The following MPZL1 variants were observed in gnomAD, a reference collection of about 807,000 sequenced individuals.
The protein encoded by MPZL1 is myelin protein zero-like protein 1.
Under a neutral mutation model 29.3 loss-of-function variants are expected in MPZL1, and 16 were observed. The ratio of observed to expected loss-of-function variants is 0.55; its 90% CI spans 0.37 to 0.83. MPZL1 has a LOEUF of 0.83. MPZL1 is among the 40% of genes least tolerant of loss of function. The probability of loss-of-function intolerance (pLI) is 0.00; values close to 1 mark genes in which losing one functional copy is unlikely to be tolerated. For synonymous variants in MPZL1, 143 were observed against 132.0 expected, an observed-to-expected ratio of 1.08 and a Z score of -0.57; for missense variants, 279 against 332.9, an observed-to-expected ratio of 0.84 and a Z score of 1.26.
At chr1:167,785,500 G>A (rs983061395) in intron 5 of MPZL1, among the ~76,000 whole-genome samples, 4 of 152,294 alleles carry the variant, frequency 2.6e-5, no homozygotes, top group Middle Eastern at 3.4e-3. Context: ...CCAGATTCAA[G>A]GGGTAGAGAA....
In MPZL1 at chr1:167,745,606, G is replaced by T. The variant is rs529520571; in HGVS notation, c.92-19977G>T. Among the ~76,000 whole-genome samples the T allele has an allele frequency of 1.2e-3, 185 of 152,062 alleles. 1 individual carries two copies. Among genetic ancestry groups the T allele is most frequent in the African/African-American group, 4.3e-3 (180 of 41,536 alleles). On this transcript the variant is annotated intron_variant, in intron 1 of 5. Transcript: ENST00000359523. ...ATGATATTACTGATTTCTGTGTTTT[G>T]TCATATTCTTTTTGTATTTTATTAA...
intron 1 of MPZL1, among the ~76,000 whole-genome samples, chr1:167,746,537 G>A (rs1267961009): frequency 6.6e-6 from 1 of 152,158 alleles, no homozygotes; most frequent in Non-Finnish European, 1.5e-5. Context: ...TCTCCAAAAT[G>A]GAAAGGGCTG....
intron 1 of MPZL1, among the ~76,000 whole-genome samples, chr1:167,760,783 G>GTGTGTGTGTGTGTGTGTC (rs1553255558): frequency 4.8e-5 from 7 of 147,198 alleles, no homozygotes; most frequent in African/African-American, 1.5e-4. Flanking sequence ...GTGTGTGTGT[G>GTGTGTGTGTGTGTGTGTC]TGTGTGTGTG....
In MPZL1 at chr1:167,790,373, C is replaced by G. The variant is rs1661683062; in HGVS notation, c.*2452C>G. ...CTGGCAGAGAATCCTCACCAGTTCT[C>G]ACCAACCTTCCCCCCAGGCAAGGGC... is the stretch of plus-strand genomic sequence containing the variant. On this transcript the variant is annotated 3_prime_UTR_variant, in exon 6 of 6. Coordinates refer to ENST00000359523, the MANE Select transcript of MPZL1 (RefSeq NM_003953.6). 6.6e-6 allele frequency: 1 copy of G among 152,314 alleles called. No individual in the cohort carries two copies. Among genetic ancestry groups the G allele is most frequent in the Non-Finnish European group, 1.5e-5 (1 of 68,102 alleles). 9.4% of individuals were successfully genotyped at this position (152,314 alleles called of 1,614,324 possible). A position where few individuals can be genotyped will look rare whatever the true frequency, so the allele number is the denominator to read the frequency against.
intron 1 of MPZL1, among the ~76,000 whole-genome samples, chr1:167,753,300 A>C (rs1240816816): frequency 6.6e-6 from 1 of 152,234 alleles, no homozygotes; most frequent in Non-Finnish European, 1.5e-5. Flanking sequence ...AGCCTTTGCC[A>C]AATGTAAAGC....
intron 5 of MPZL1, among the ~76,000 whole-genome samples, chr1:167,783,352 T>C (rs1661531383): frequency 6.6e-6 from 1 of 152,214 alleles, no homozygotes; most frequent in Non-Finnish European, 1.5e-5. Context: ...TTTTTCTTTG[T>C]GAAGCTTAGT....
Position 167,774,530 on chromosome 1 carries a change from G to A in MPZL1, c.605+1162G>A, listed in dbSNP as rs138063401. 4.7e-3 allele frequency: 721 copies of A among 152,382 alleles called. 6 individuals are homozygous for A. The highest frequency in any genetic ancestry group is 9.1e-3 in the Non-Finnish European group (619 of 68,060). 9.4% of individuals were successfully genotyped at this position (152,382 alleles called of 1,614,324 possible). A position where few individuals can be genotyped will look rare whatever the true frequency, so the allele number is the denominator to read the frequency against. ...TGACTGTATCTGCCCCCCTTGCATG[G>A]TGAGTGTTTTATGATTAAATATAGT... On this transcript the variant is annotated intron_variant, in intron 4 of 5. Coordinates refer to ENST00000359523, the MANE Select transcript of MPZL1 (RefSeq NM_003953.6).
rs534420266 is a variant in MPZL1, at chr1:167,780,543, A to T, written c.708+4377A>T. Among the ~76,000 whole-genome samples the T allele has an allele frequency of 5.3e-5, 8 of 152,340 alleles. No homozygotes were observed. In the South Asian group the frequency reaches 1.7e-3, roughly 32 times the overall value. On this transcript the variant is annotated intron_variant, in intron 5 of 5. Coordinates refer to ENST00000359523, the MANE Select transcript of MPZL1 (RefSeq NM_003953.6). ...TAAATAGAATGTGGTATATATATAC[A>T]CAATGGAATATTATTCTGTCTTTAA...
intron 1 of MPZL1, among the ~76,000 whole-genome samples, chr1:167,756,847 G>A (rs762027628): frequency 6.6e-6 from 1 of 152,162 alleles, no homozygotes; most frequent in East Asian, 1.9e-4. Flanking sequence ...TCTTGGGGGT[G>A]CAGACAGCCG....
At chr1:167,757,378 A>G (rs184644542) in intron 1 of MPZL1, among the ~76,000 whole-genome samples, 2 of 152,386 alleles carry the variant, frequency 1.3e-5, no homozygotes, top group Non-Finnish European at 2.9e-5. Flanking sequence ...TTGCTTTACT[A>G]ATGTCTTCCT....
chr1:167,733,203 A>G (rs1660305282), intron 1 of MPZL1, among the ~76,000 whole-genome samples: 1 of 152,166 alleles, frequency 6.6e-6, no homozygotes, highest in African/African-American at 2.4e-5. Flanking sequence ...TGAGAGTCAG[A>G]CTTCCAGCTG....
intron 2 of MPZL1, among the ~76,000 whole-genome samples, chr1:167,767,284 G>C (rs968197878): frequency 1.3e-5 from 2 of 152,160 alleles, no homozygotes; most frequent in Non-Finnish European, 2.9e-5. Context: ...TCCCATAGAG[G>C]CAAGATTAAA....
intron 1 of MPZL1, among the ~76,000 whole-genome samples, chr1:167,755,120 A>T (rs968144607): frequency 2.0e-5 from 3 of 152,216 alleles, no homozygotes; most frequent in Non-Finnish European, 4.4e-5. Flanking sequence ...ATCTATTATT[A>T]TAATATCATA....
intron 1 of MPZL1, among the ~76,000 whole-genome samples, chr1:167,758,007 A>T (rs1158319904): frequency 1.3e-5 from 2 of 152,078 alleles, no homozygotes; most frequent in African/African-American, 4.8e-5. Context: ...TAGAAAAATT[A>T]TCTAGGCATG....
rs953495939 is a variant in MPZL1, at chr1:167,790,574, T to C, written c.*2653T>C. On this transcript the variant is annotated 3_prime_UTR_variant, in exon 6 of 6. Transcript: ENST00000359523. ...CCTTTCCTGGTTGCAGATAACGAACTAAGGTTGCCTAAAGGGCAGATCTGC... is the reference window on the plus strand; with the variant it reads ...CCTTTCCTGGTTGCAGATAACGAACCAAGGTTGCCTAAAGGGCAGATCTGC... 9.2e-5 allele frequency: 14 copies of C among 152,106 alleles called. No homozygotes were observed. The highest frequency in any genetic ancestry group is 3.4e-4 in the African/African-American group (14 of 41,370). 9.4% of individuals were successfully genotyped at this position (152,106 alleles called of 1,614,324 possible). A position where few individuals can be genotyped will look rare whatever the true frequency, so the allele number is the denominator to read the frequency against.
chr1:167,761,856 G>A (rs1402805555), intron 1 of MPZL1, among the ~76,000 whole-genome samples: 1 of 152,188 alleles, frequency 6.6e-6, no homozygotes, highest in East Asian at 1.9e-4. Context: ...CCTGAAGGGA[G>A]AGGCAAGAGA....
intron 2 of MPZL1, among the ~76,000 whole-genome samples, chr1:167,767,505 C>A (rs751084764): frequency 3.9e-5 from 6 of 152,016 alleles, no homozygotes; most frequent in Non-Finnish European, 5.9e-5. Flanking sequence ...TGCTGTAATT[C>A]TGATTAATAT....
chr1:167,746,167 G>C (rs953344201), intron 1 of MPZL1, among the ~76,000 whole-genome samples: 1 of 152,088 alleles, frequency 6.6e-6, no homozygotes, highest in Non-Finnish European at 1.5e-5. Context: ...TGAAGGAAGA[G>C]TGGGAGTTGG....
chr1:167,730,883 C>T (rs541229848), intron 1 of MPZL1, among the ~76,000 whole-genome samples: 2 of 152,326 alleles, frequency 1.3e-5, no homozygotes, highest in Non-Finnish European at 2.9e-5. Context: ...TCCTCTGCCC[C>T]ATTGACAGAG....
Sources: allele counts gnomAD v4.1 joint callset (sites outside exome capture counted in the v4.1 genomes callset), GRCh38; gene constraint gnomAD v4.1.1; transcripts MANE v1.5; gene names NCBI Gene and HGNC (gene_info 2026-07-23, HGNC 2026-07-21).